The following PTTG1IP2 variants were observed in gnomAD, a reference collection of about 807,000 sequenced individuals.
The protein encoded by PTTG1IP2 is PTTG1IP family member 2.
intron 6 of PTTG1IP2, among the ~76,000 whole-genome samples, chr7:90,500,630 G>A (rs948381542): frequency 3.9e-5 from 6 of 152,200 alleles, no homozygotes; most frequent in East Asian, 1.9e-4. Flanking sequence ...GTAGTCACAA[G>A]GGAGGCCTCA....
intron 2 of PTTG1IP2, among the ~76,000 whole-genome samples, chr7:90,484,908 T>C (rs889422254): frequency 3.9e-5 from 6 of 152,230 alleles, no homozygotes; most frequent in African/African-American, 1.4e-4. Context: ...TGCATACAGC[T>C]GGGCAAGGGG....
intron 2 of PTTG1IP2, among the ~76,000 whole-genome samples, chr7:90,485,815 GT>G (rs1455483132): frequency 1.3e-5 from 2 of 152,204 alleles, no homozygotes; most frequent in African/African-American, 4.8e-5. Context: ...GCAAGTTCAG[GT>G]TTTTTTCTGG....
At chr7:90,473,262 A>G (rs1277462562) in intron 1 of PTTG1IP2, among the ~76,000 whole-genome samples, 1 of 152,184 alleles carries the variant, frequency 6.6e-6, no homozygotes, top group Non-Finnish European at 1.5e-5. Flanking sequence ...AGCTGGCAGA[A>G]TTGAAGAGGG....
intron 5 of PTTG1IP2, among the ~76,000 whole-genome samples, chr7:90,492,529 G>A (rs565612296): frequency 6.6e-6 from 1 of 152,274 alleles, no homozygotes; most frequent in East Asian, 1.9e-4. Flanking sequence ...TTGCGCCATT[G>A]CATTTCAGCC....
intron 6 of PTTG1IP2, among the ~76,000 whole-genome samples, chr7:90,497,551 G>A (rs1476089531): frequency 3.1e-5 from 4 of 128,548 alleles, no homozygotes; most frequent in Non-Finnish European, 4.8e-5. Context: ...GCGACAGAGC[G>A]AGAATCCGTC....
At chr7:90,495,357 C>A (rs2116096656) in intron 6 of PTTG1IP2, among the ~76,000 whole-genome samples, 1 of 152,316 alleles carries the variant, frequency 6.6e-6, no homozygotes, top group African/African-American at 2.4e-5. Flanking sequence ...TACCCAACAC[C>A]TCTTCCAGTG....
At chr7:90,480,238 C>G (rs1396658979) in intron 2 of PTTG1IP2, among the ~76,000 whole-genome samples, 1 of 152,158 alleles carries the variant, frequency 6.6e-6, no homozygotes, top group African/African-American at 2.4e-5. Flanking sequence ...CTCCCTTATA[C>G]TGTACCTACT....
At chr7:90,490,472 C>G (rs892501516) in intron 4 of PTTG1IP2, among the ~76,000 whole-genome samples, 2 of 149,790 alleles carry the variant, frequency 1.3e-5, no homozygotes, top group Admixed American at 6.6e-5. Flanking sequence ...GGCCAATGTT[C>G]CATTTGCTTG....
intron 2 of PTTG1IP2, among the ~76,000 whole-genome samples, chr7:90,486,353 G>A (rs1368823287): frequency 2.7e-5 from 4 of 146,018 alleles, no homozygotes; most frequent in African/African-American, 7.5e-5. Flanking sequence ...CTAGATCACC[G>A]GGTTGTCATG....
intron 3 of PTTG1IP2, among the ~76,000 whole-genome samples, chr7:90,488,051 G>T (rs11563535): frequency 6.6e-6 from 1 of 151,788 alleles, no homozygotes; most frequent in African/African-American, 2.4e-5. Flanking sequence ...CTTTTGGTAC[G>T]TTATACAATA....
chr7:90,469,759 T>C lies in PTTG1IP2; in HGVS notation c.-28T>C, dbSNP rs995231482. On this transcript the variant is annotated 5_prime_UTR_variant, in exon 1 of 7. Transcript: ENST00000509356. ...TAGCTGGTGCCTGCCAGGTTCCCAG[T>C]GGCTGGGGTCACCAGGTCTGAAGAG... 4 of 152,748 alleles carry C rather than the reference T, an allele frequency of 2.6e-5. No homozygotes were observed. The highest frequency in any genetic ancestry group is 9.6e-5 in the African/African-American group (4 of 41,458). 9.5% of individuals were successfully genotyped at this position (152,748 alleles called of 1,614,324 possible). A position where few individuals can be genotyped will look rare whatever the true frequency, so the allele number is the denominator to read the frequency against.
intron 6 of PTTG1IP2, among the ~76,000 whole-genome samples, chr7:90,498,956 A>G (rs1047340389): frequency 6.6e-6 from 1 of 152,076 alleles, no homozygotes; most frequent in East Asian, 1.9e-4. Flanking sequence ...GGCTCAATTG[A>G]TCCTCTGGCC....
chr7:90,506,282 C>T (rs6465267), intron 6 of PTTG1IP2, among the ~76,000 whole-genome samples: 13 of 152,074 alleles, frequency 8.5e-5, no homozygotes, highest in African/African-American at 2.4e-4. Flanking sequence ...CCAACTAAAT[C>T]GGGAGCATTG....
intron 2 of PTTG1IP2, among the ~76,000 whole-genome samples, chr7:90,482,338 C>T (rs1197659896): frequency 6.6e-6 from 1 of 152,080 alleles, no homozygotes; most frequent in Non-Finnish European, 1.5e-5. Context: ...TTTTCATTTC[C>T]CAGAATATTC....
intron 1 of PTTG1IP2, among the ~76,000 whole-genome samples, chr7:90,470,789 A>C: frequency 6.6e-6 from 1 of 152,116 alleles, no homozygotes; most frequent in Non-Finnish European, 1.5e-5. Flanking sequence ...ACCTCTATAC[A>C]TACTCTAAGA....
chr7:90,488,619 G>C (rs1181135851), intron 3 of PTTG1IP2, among the ~76,000 whole-genome samples: 1 of 151,912 alleles, frequency 6.6e-6, no homozygotes, highest in East Asian at 1.9e-4. Context: ...TAAGCCAGTA[G>C]CCTAATAGTT....
chr7:90,503,751 T>A (rs1798086748), intron 6 of PTTG1IP2, among the ~76,000 whole-genome samples: 1 of 152,132 alleles, frequency 6.6e-6, no homozygotes, highest in South Asian at 2.1e-4. Context: ...ACAATTACAA[T>A]AGTAACATCA....
chr7:90,491,642 A>T (rs1797939718), intron 4 of PTTG1IP2, among the ~76,000 whole-genome samples: 1 of 151,996 alleles, frequency 6.6e-6, no homozygotes, highest in African/African-American at 2.4e-5. Flanking sequence ...AAAAAAAGAA[A>T]TATCAAACCC....
At chr7:90,485,411 T>C (rs1245865267) in intron 2 of PTTG1IP2, among the ~76,000 whole-genome samples, 1 of 152,072 alleles carries the variant, frequency 6.6e-6, no homozygotes, top group Non-Finnish European at 1.5e-5. Context: ...CTCTTGATGG[T>C]GTTTGAATAC....
Sources: allele counts gnomAD v4.1 joint callset (sites outside exome capture counted in the v4.1 genomes callset), GRCh38; gene constraint gnomAD v4.1.1; transcripts MANE v1.5; gene names NCBI Gene and HGNC (gene_info 2026-07-23, HGNC 2026-07-21).